Variants in SLC6A20 observed in about 807,000 individuals in gnomAD.
SLC6A20 encodes the protein sodium- and chloride-dependent transporter XTRP3.
In SLC6A20, 73 loss-of-function variants were observed where a neutral mutation model predicts 64.3. The observed-to-expected ratio is 1.14, with a 90% CI of 0.94 to 1.38. SLC6A20 has a LOEUF of 1.38. Ranked by LOEUF, SLC6A20 falls within the 40% of genes most tolerant of loss-of-function variation. The pLI, the probability that SLC6A20 is intolerant of heterozygous loss-of-function variation, is 0.00. For synonymous variants in SLC6A20, 347 were observed against 329.6 expected, an observed-to-expected ratio of 1.05 and a Z score of -0.57; for missense variants, 725 against 772.8, an observed-to-expected ratio of 0.94 and a Z score of 0.73.
Position 45,796,310 on chromosome 3 carries a change from A to G in SLC6A20, c.110T>C (p.Met37Thr). The change falls in exon 1 of 11, where the codon ATG (methionine) becomes ACG (threonine). Residue 37 changes from methionine (M) to threonine (T), a missense_variant. Transcript: ENST00000358525. ...CGGTGGGCACTCACCTCCGCCGTAC[A>G]TCTGGCACAGGTACGGGAATCGCCA... ...NVWRFPYLCQMYGGGSFLVPY... is the reference protein window; with the variant it reads ...NVWRFPYLCQTYGGGSFLVPY... 1.9e-6 allele frequency: 3 copies of G among 1,609,964 alleles called. No individual in the cohort carries two copies. Among genetic ancestry groups the G allele is most frequent in the Non-Finnish European group, 2.5e-6 (3 of 1,178,430 alleles).
intron 7 of SLC6A20, among the ~76,000 whole-genome samples, chr3:45,766,155 G>T (rs1053701270): frequency 2.0e-5 from 3 of 152,228 alleles, no homozygotes; most frequent in African/African-American, 7.2e-5. Flanking sequence ...GAGACAGCTT[G>T]GTCAGCAGGC....
intron 5 of SLC6A20, chr3:45,771,734 C>G: frequency 1.9e-6 from 1 of 539,648 alleles, no homozygotes; most frequent in Non-Finnish European, 3.3e-6. Context: ...CTCCATAGCA[C>G]CTCAGCCATA....
chr3:45,759,101 C>T lies in SLC6A20; in HGVS notation c.1656G>A (p.Pro552=), dbSNP rs754773426. ...SQGQLVTKDY[P]AYALAVIGLL... ...GCCCGATGACAGCCAGTGCATAGGC[C>T]GGGTAATCTTTGGTCACGAGCTGGC... is the stretch of plus-strand genomic sequence containing the variant. Residue 552 remains proline (P), a synonymous_variant, in exon 11 of 11, where the codon CCG becomes CCA. Coordinates refer to ENST00000358525, the MANE Select transcript of SLC6A20 (RefSeq NM_020208.4). 1.4e-5 allele frequency: 23 copies of T among 1,611,218 alleles called. 1 individual carries two copies. The highest frequency in any genetic ancestry group is 5.5e-5 in the South Asian group (5 of 90,382).
chr3:45,774,590 G>T (rs1699933396), intron 4 of SLC6A20, among the ~76,000 whole-genome samples: 1 of 152,226 alleles, frequency 6.6e-6, no homozygotes. Flanking sequence ...AAAATAAAAT[G>T]CCCTACCAGG....
intron 7 of SLC6A20, among the ~76,000 whole-genome samples, chr3:45,766,195 C>T (rs1044052418): frequency 9.2e-5 from 14 of 152,148 alleles, no homozygotes; most frequent in East Asian, 1.9e-4. Flanking sequence ...TCAGCGGTCA[C>T]GTCCCTGTGC....
In SLC6A20 at chr3:45,758,542, T is replaced by C. The variant is rs1433797521; in HGVS notation, c.*436A>G. The stretch of plus-strand genomic sequence containing the variant: ...GAATTAATTTTGCACCACTGACAAA[T>C]AGGTCATCTTAGGCACTTCAAAACT... On this transcript the variant is annotated 3_prime_UTR_variant, in exon 11 of 11. Transcript: ENST00000358525. 5.5e-5 allele frequency: 64 copies of C among 1,155,758 alleles called. No homozygotes were observed. Among genetic ancestry groups the C allele is most frequent in the East Asian group, 7.5e-5 (1 of 13,348 alleles). The allele number at this position is 1,155,758 out of a possible 1,614,324, so 71.6% of individuals were successfully genotyped here. A position where few individuals can be genotyped will look rare whatever the true frequency, so the allele number is the denominator to read the frequency against.
intron 1 of SLC6A20, among the ~76,000 whole-genome samples, chr3:45,782,765 G>A (rs1342299047): frequency 6.6e-6 from 1 of 151,858 alleles, no homozygotes; most frequent in East Asian, 1.9e-4. Context: ...CTGTCTGTTC[G>A]TCCATCCATC....
chr3:45,773,151 G>T (rs1699905181), intron 4 of SLC6A20, among the ~76,000 whole-genome samples: 1 of 152,188 alleles, frequency 6.6e-6, no homozygotes, highest in Non-Finnish European at 1.5e-5. Flanking sequence ...AAAATCTGCA[G>T]CTTGGAGGAG....
Position 45,770,031 on chromosome 3 carries a change from G to A in SLC6A20, c.1098+178C>T, listed in dbSNP as rs77022948. Among the ~76,000 whole-genome samples, 1,514 of 152,308 alleles carry A rather than the reference G, an allele frequency of 9.9e-3. 18 individuals carry two copies. The highest frequency in any genetic ancestry group is 0.034 in the African/African-American group (1,427 of 41,566). On this transcript the variant is annotated intron_variant, in intron 7 of 10. Transcript: ENST00000358525. Reference sequence around the variant, plus strand: ...GAAGTTTATTATAACTAGCATTCTCGAACAGCCCTCAAGAGAGTGGTGTTA... The same window carrying A: ...GAAGTTTATTATAACTAGCATTCTCAAACAGCCCTCAAGAGAGTGGTGTTA...
At chr3:45,774,505 C>T (rs1341436650) in intron 4 of SLC6A20, among the ~76,000 whole-genome samples, 1 of 152,216 alleles carries the variant, frequency 6.6e-6, no homozygotes. Context: ...CCTGTGCTCA[C>T]TCGTCCCTTT....
Position 45,758,299 on chromosome 3 carries a change from G to T in SLC6A20, c.*679C>A. On this transcript the variant is annotated 3_prime_UTR_variant, in exon 11 of 11. Transcript: ENST00000358525. ...AGACACACACCACGGAGGGATGTCTGCACAGACTTCTAATGTGGTTTGGGG... is the reference window on the plus strand; with the variant it reads ...AGACACACACCACGGAGGGATGTCTTCACAGACTTCTAATGTGGTTTGGGG... 2.0e-6 allele frequency: 1 copy of T among 509,754 alleles called. No homozygotes were observed. The highest frequency in any genetic ancestry group is 1.9e-5 in the South Asian group (1 of 53,904). 31.6% of individuals were successfully genotyped at this position (509,754 alleles called of 1,614,324 possible).
At chr3:45,763,120 A>G in intron 8 of SLC6A20, 48 bp from the exon 9 acceptor site, 1 of 1,608,536 alleles carries the variant, frequency 6.2e-7, no homozygotes. Flanking sequence ...CCCCCCCACT[A>G]CTGCTTACCA....
chr3:45,788,031 G>A (rs755895210), intron 1 of SLC6A20, among the ~76,000 whole-genome samples: 17 of 151,992 alleles, frequency 1.1e-4, no homozygotes, highest in Non-Finnish European at 1.5e-4. Flanking sequence ...CTGCAGCCTC[G>A]ACCTCCCAGG....
intron 9 of SLC6A20, among the ~76,000 whole-genome samples, chr3:45,760,413 C>T (rs1043629475): frequency 3.9e-5 from 6 of 152,158 alleles, no homozygotes; most frequent in Non-Finnish European, 5.9e-5. Flanking sequence ...CGGCTTTGCC[C>T]ACCCCCCTAC....
intron 1 of SLC6A20, among the ~76,000 whole-genome samples, chr3:45,787,306 C>G (rs1212984428): frequency 6.6e-6 from 1 of 152,168 alleles, no homozygotes; most frequent in East Asian, 1.9e-4. Flanking sequence ...GATGCTTTCT[C>G]TCTTCTTTCA....
chr3:45,758,720 C>T lies in SLC6A20; in HGVS notation c.*258G>A, dbSNP rs1699593391. 1 of 1,265,112 alleles carries T rather than the reference C, an allele frequency of 7.9e-7. No homozygotes were observed. Among genetic ancestry groups the T allele is most frequent in the East Asian group, 3.5e-5 (1 of 28,760 alleles). 78.4% of individuals were successfully genotyped at this position (1,265,112 alleles called of 1,614,324 possible). A position where few individuals can be genotyped will look rare whatever the true frequency, so the allele number is the denominator to read the frequency against. ...TAGGGCTTTCCTGGAATGAAGGATG[C>T]AGTTATCTTTGAGACCGGCTTTCAT... On this transcript the variant is annotated 3_prime_UTR_variant, in exon 11 of 11. Transcript: ENST00000358525.
At position 45,759,967 on chromosome 3, in the gene SLC6A20, C is replaced by G. The variant is rs781749328; in HGVS notation, c.1519G>C (p.Val507Leu). 3.7e-6 allele frequency: 6 copies of G among 1,614,150 alleles called. No homozygotes were observed. In the South Asian group the frequency reaches 6.6e-5, roughly 18 times the overall value. Residue 507 changes from valine to leucine, a missense_variant, in exon 10 of 11, where the codon GTG becomes CTG. Coordinates refer to ENST00000358525, the MANE Select transcript of SLC6A20 (RefSeq NM_020208.4). ...TGRAVSWYWK[V>L]MWAGVSPLLI... is the part of the protein sequence containing the mutation. Reference sequence around the variant, plus strand: ...AGTGGGCTTACGCCAGCCCACATCACCTTCCAGTACCAGCTCACAGCTCGG... The same window carrying G: ...AGTGGGCTTACGCCAGCCCACATCAGCTTCCAGTACCAGCTCACAGCTCGG...
chr3:45,777,954 TC>T (rs1699998773), intron 3 of SLC6A20, among the ~76,000 whole-genome samples: 1 of 151,976 alleles, frequency 6.6e-6, no homozygotes, highest in Non-Finnish European at 1.5e-5. Flanking sequence ...TTTTCACACC[TC>T]CCCACCCTGC....
chr3:45,770,226 C>T lies in SLC6A20; in HGVS notation c.1081G>A (p.Glu361Lys), dbSNP rs752927489. 4 of 1,614,086 alleles carry T rather than the reference C, an allele frequency of 2.5e-6. No individual in the cohort carries two copies. The East Asian group carries it at 8.9e-5, about 36-fold the overall frequency. The change falls in exon 7 of 11, where the codon GAA becomes AAA. Residue 361 changes from glutamate (E) to lysine (K), a missense_variant. By Grantham distance (56) the Glu-to-Lys change is moderately conservative. Coordinates refer to ENST00000358525, the MANE Select transcript of SLC6A20 (RefSeq NM_020208.4). ...MFPQIKNCSL[E>K]SELDTAVQGT... is the part of the protein sequence containing the mutation. ...CATCTTACCGTGTCTAGCTCCGATT[C>T]CAAGCTGCAGTTTTTGATTTGCGGG...
Sources: allele counts gnomAD v4.1 joint callset (sites outside exome capture counted in the v4.1 genomes callset), GRCh38; gene constraint gnomAD v4.1.1; transcripts MANE v1.5; gene names NCBI Gene and HGNC (gene_info 2026-07-23, HGNC 2026-07-21).